Variants in PDE4D observed in about 807,000 individuals in gnomAD.
PDE4D encodes 3',5'-cyclic-AMP phosphodiesterase 4D.
PDE4D carries 24 observed loss-of-function variants against 87.4 expected under a neutral mutation model. The ratio of observed to expected loss-of-function variants is 0.27; its 90% confidence interval spans 0.20 to 0.39. The LOEUF (loss-of-function observed/expected upper bound fraction) is 0.39. Among genes scored for constraint, PDE4D ranks in the 10% least tolerant of loss-of-function variants. The probability of loss-of-function intolerance (pLI) is 1.00; values close to 1 mark genes in which losing one functional copy is unlikely to be tolerated. For missense variants in PDE4D, 714 were observed against 1,041.0 expected, an observed-to-expected ratio of 0.69 and a Z score of 4.32; for synonymous variants, 384 against 383.2, an observed-to-expected ratio of 1.00 and a Z score of -0.02.
At chr5:59,571,001 C>T (rs1409224709) in intron 1 of PDE4D, among the ~76,000 whole-genome samples, 4 of 152,192 alleles carry the variant, frequency 2.6e-5, no homozygotes, top group Non-Finnish European at 5.9e-5. Context: ...AATTCATACA[C>T]ATGCCCAACA....
intron 2 of PDE4D, among the ~76,000 whole-genome samples, chr5:60,121,773 C>T (rs1582762741): frequency 6.6e-6 from 1 of 152,174 alleles, no homozygotes; most frequent in South Asian, 2.1e-4. Flanking sequence ...ACCAATCATG[C>T]CTTCCCAATA....
At chr5:59,263,199 C>G (rs1192739025) in intron 1 of PDE4D, among the ~76,000 whole-genome samples, 1 of 151,984 alleles carries the variant, frequency 6.6e-6, no homozygotes, top group Non-Finnish European at 1.5e-5. Flanking sequence ...GTTCTACTTT[C>G]CATGCAAAGG....
chr5:60,256,748 G>A (rs1470302481), intron 1 of PDE4D, among the ~76,000 whole-genome samples: 2 of 151,880 alleles, frequency 1.3e-5, no homozygotes, highest in Non-Finnish European at 2.9e-5. Context: ...AGAAAATTGA[G>A]GAGGCAAATG....
chr5:59,166,509 A>G (rs973509437), intron 5 of PDE4D: 1 of 152,214 alleles, frequency 6.6e-6, no homozygotes, highest in African/African-American at 2.4e-5. Context: ...CTTTTCCTTC[A>G]CAAACTGCCT....
At chr5:60,246,509 T>C (rs1468519296) in intron 1 of PDE4D, among the ~76,000 whole-genome samples, 1 of 151,832 alleles carries the variant, frequency 6.6e-6, no homozygotes, top group Non-Finnish European at 1.5e-5. Context: ...TTCTGGTTGA[T>C]TTCTTCAAAT....
At chr5:60,290,771 A>G (rs1285892811) in intron 1 of PDE4D, among the ~76,000 whole-genome samples, 1 of 152,220 alleles carries the variant, frequency 6.6e-6, no homozygotes, top group Admixed American at 6.5e-5. Flanking sequence ...GCACCACTGC[A>G]CTGCAGCCTA....
chr5:60,432,780 C>T (rs1744454765), intron 1 of PDE4D, among the ~76,000 whole-genome samples: 2 of 152,106 alleles, frequency 1.3e-5, no homozygotes, highest in Admixed American at 1.3e-4. Flanking sequence ...AACCCACACA[C>T]TTACAACCAT....
At chr5:60,009,354 G>A (rs2572071) in intron 2 of PDE4D, among the ~76,000 whole-genome samples, 111,040 of 151,754 alleles carry the variant, frequency 0.73, 41,163 homozygotes, top group East Asian at 0.89. Context: ...AAGATCCATT[G>A]AAGAACTTTT....
intron 3 of PDE4D, among the ~76,000 whole-genome samples, chr5:59,958,983 T>G (rs894913255): frequency 6.6e-6 from 1 of 152,092 alleles, no homozygotes; most frequent in African/African-American, 2.4e-5. Context: ...TGATAATGAC[T>G]TCAGTAAAGT....
intron 1 of PDE4D, among the ~76,000 whole-genome samples, chr5:60,260,555 T>A (rs1749543465): frequency 6.6e-6 from 1 of 152,032 alleles, no homozygotes; most frequent in Non-Finnish European, 1.5e-5. Flanking sequence ...AAACTTATAA[T>A]CTCAATCTGG....
At chr5:59,845,271 A>G (rs1022099194) in intron 1 of PDE4D, among the ~76,000 whole-genome samples, 2 of 152,058 alleles carry the variant, frequency 1.3e-5, no homozygotes, top group African/African-American at 2.4e-5. Context: ...TAGAAAACCA[A>G]TGCATTCCCT....
intron 1 of PDE4D, among the ~76,000 whole-genome samples, chr5:59,580,086 C>T (rs919541523): frequency 1.2e-4 from 18 of 152,172 alleles, no homozygotes; most frequent in Non-Finnish European, 2.2e-4. Flanking sequence ...TGCTTATTTT[C>T]TCTGGTCTAC....
At chr5:59,663,336 T>C (rs540184332) in intron 1 of PDE4D, among the ~76,000 whole-genome samples, 228 of 152,096 alleles carry the variant, frequency 1.5e-3, no homozygotes, top group Middle Eastern at 3.4e-3. Flanking sequence ...GGCTAATTTT[T>C]GTATTTTTTT....
At chr5:59,375,536 T>A (rs1784565039) in intron 1 of PDE4D, among the ~76,000 whole-genome samples, 1 of 151,876 alleles carries the variant, frequency 6.6e-6, no homozygotes, top group African/African-American at 2.4e-5. Context: ...TGAAATTGAG[T>A]CAGTAATAAA....
chr5:59,480,250 A>C (rs970953118), intron 1 of PDE4D, among the ~76,000 whole-genome samples: 2 of 152,084 alleles, frequency 1.3e-5, no homozygotes, highest in African/African-American at 4.8e-5. Flanking sequence ...CAAAGTTATC[A>C]AAAAGGATAG....
In PDE4D at chr5:60,267,479, A is replaced by G. The variant is rs565200803; in HGVS notation, c.-89-81792T>C. 7.9e-5 allele frequency among the ~76,000 whole-genome samples: 12 copies of G among 152,314 alleles called. No homozygotes were observed. The South Asian group carries it at 1.5e-3, about 18-fold the overall frequency. On this transcript the variant is annotated intron_variant, in intron 1 of 16. Transcript: ENST00000502484. ...AGAAAGAGCTTGACTGGAAGCAGAC[A>G]TACTCAGTTTTGTCTCTAACTGTAT...
intron 1 of PDE4D, among the ~76,000 whole-genome samples, chr5:59,732,079 GCA>G (rs1757437733): frequency 6.6e-6 from 1 of 152,064 alleles, no homozygotes. Flanking sequence ...TCACTGCTGC[GCA>G]AACATCATTG....
intron 3 of PDE4D, among the ~76,000 whole-genome samples, chr5:59,957,427 A>T (rs1382568791): frequency 6.6e-6 from 1 of 151,748 alleles, no homozygotes; most frequent in Admixed American, 6.6e-5. Flanking sequence ...CAGTGCACGT[A>T]TGTGTATGTT....
chr5:59,713,990 G>T (rs189591163), intron 1 of PDE4D, among the ~76,000 whole-genome samples: 74 of 152,314 alleles, frequency 4.9e-4, no homozygotes, highest in African/African-American at 1.8e-3. Flanking sequence ...GTGCCTGAAG[G>T]CCTGGCATAG....
Sources: gnomAD v4.1 joint callset for allele counts (sites outside exome capture counted in the v4.1 genomes callset) on GRCh38, gnomAD v4.1.1 for gene constraint, MANE v1.5 for transcripts, NCBI Gene and HGNC (gene_info 2026-07-23, HGNC 2026-07-21) for gene names.